The following NFX1 variants were observed in gnomAD, a reference collection of about 807,000 sequenced individuals.
The protein encoded by NFX1 is nuclear transcription factor, X-box binding 1, also known as transcriptional repressor NF-X1.
A neutral mutation model predicts 137.2 loss-of-function variants in NFX1; 69 were observed. That is an observed-to-expected ratio of 0.50 (90% CI 0.41 to 0.61). The LOEUF (loss-of-function observed/expected upper bound fraction) is 0.61. Among genes scored for constraint, NFX1 ranks in the 20% least tolerant of loss-of-function variants. The pLI is 0.00. For synonymous variants in NFX1, 495 were observed against 474.1 expected, an observed-to-expected ratio of 1.04 and a Z score of -0.57; for missense variants, 1,167 against 1,391.0, an observed-to-expected ratio of 0.84 and a Z score of 2.56.
chr9:33,302,965 G>A (rs1301950453), intron 3 of NFX1, among the ~76,000 whole-genome samples: 2 of 145,608 alleles, frequency 1.4e-5, no homozygotes, highest in Non-Finnish European at 3.0e-5. Context: ...ACCACACCTG[G>A]CCTTTTTTTT....
intron 4 of NFX1, 125 bp downstream of exon 4, chr9:33,303,393 A>G (rs1821643110): frequency 5.2e-6 from 4 of 762,410 alleles, no homozygotes. Context: ...AGGAGTCTAT[A>G]AGACTGTAAT....
chr9:33,298,513 C>T (rs528274006), intron 2 of NFX1, among the ~76,000 whole-genome samples: 6 of 152,280 alleles, frequency 3.9e-5, no homozygotes, highest in Admixed American at 3.3e-4. Context: ...TGTGGTGGCT[C>T]ACATCTGTAA....
intron 7 of NFX1, among the ~76,000 whole-genome samples, chr9:33,317,973 CAAAAAAAAAA>C (rs5897542): frequency 9.0e-4 from 40 of 44,394 alleles, no homozygotes; most frequent in African/African-American, 3.1e-3. Flanking sequence ...GACTCTGTCT[CAAAAAAAAAA>C]AAAAAAAAAA....
At chr9:33,303,090 C>A in intron 3 of NFX1, 101 bp from the exon 4 acceptor site, 1 of 786,996 alleles carries the variant, frequency 1.3e-6, no homozygotes, top group South Asian at 1.5e-5. Flanking sequence ...AAATTATTAC[C>A]ACTACTTCAA....
intron 22 of NFX1, 118 bp from the exon 23 acceptor site, chr9:33,367,397 T>C (rs1824199269): frequency 4.3e-6 from 4 of 936,724 alleles, no homozygotes; most frequent in Admixed American, 3.9e-5. Flanking sequence ...AGACAGTTCA[T>C]ACCAGAGAGT....
At chr9:33,296,972 C>T (rs1048965514) in intron 2 of NFX1, among the ~76,000 whole-genome samples, 3 of 152,158 alleles carry the variant, frequency 2.0e-5, no homozygotes, top group African/African-American at 7.2e-5. Context: ...CCACACAGCT[C>T]TTGAAACATA....
intron 4 of NFX1, among the ~76,000 whole-genome samples, chr9:33,304,557 A>G (rs1447917619): frequency 6.6e-6 from 1 of 152,174 alleles, no homozygotes; most frequent in East Asian, 1.9e-4. Flanking sequence ...ACCTTGGTGA[A>G]CTCTTTGACT....
chr9:33,297,720 C>T (rs1336412109), intron 2 of NFX1, among the ~76,000 whole-genome samples: 6 of 152,210 alleles, frequency 3.9e-5, no homozygotes, highest in East Asian at 1.9e-4. Context: ...CTAGAGGCCA[C>T]CTGTGTTTCC....
chr9:33,311,216 T>C, intron 6 of NFX1, 39 bp downstream of exon 6: 1 of 1,543,934 alleles, frequency 6.5e-7, no homozygotes, highest in Middle Eastern at 1.7e-4. Flanking sequence ...ACCTCAGTTT[T>C]CACATGCATG....
At chr9:33,353,254 TCACATCCTACC>T (rs1823703740) in intron 17 of NFX1, among the ~76,000 whole-genome samples, 1 of 152,232 alleles carries the variant, frequency 6.6e-6, no homozygotes, top group Non-Finnish European at 1.5e-5. Context: ...TGAATTGCTT[TCACATCCTACC>T]ATTTGTCATT....
intron 15 of NFX1, among the ~76,000 whole-genome samples, chr9:33,350,208 G>A (rs889468507): frequency 3.3e-5 from 5 of 151,554 alleles, no homozygotes; most frequent in Admixed American, 2.0e-4. Context: ...GGAGGCTGAG[G>A]TAGGAGAATC....
intron 20 of NFX1, among the ~76,000 whole-genome samples, chr9:33,364,358 C>T (rs1222270530): frequency 6.6e-6 from 1 of 152,120 alleles, no homozygotes; most frequent in African/African-American, 2.4e-5. Context: ...AGAGTTTGGG[C>T]CTCCCAAGGG....
rs549874074 is a variant in NFX1, at chr9:33,290,566, G to A, written c.-7G>A. On this transcript the variant is annotated 5_prime_UTR_variant, in exon 1 of 24. Transcript: ENST00000379540. ...TGTACAGCTCGATCTAGGTTCTGCG[G>A]CACGGGATGGCGGAGGCGCCTCCTG... The A allele has an allele frequency of 8.7e-6, 14 of 1,613,976 alleles. No homozygotes were observed. The highest frequency in any genetic ancestry group is 5.3e-5 in the African/African-American group (4 of 75,058).
intron 7 of NFX1, among the ~76,000 whole-genome samples, chr9:33,314,006 A>G (rs566503159): frequency 2.8e-4 from 43 of 151,640 alleles, no homozygotes; most frequent in Middle Eastern, 3.4e-3. Flanking sequence ...TCTTTTTGAG[A>G]TAAGTCTCAC....
At chr9:33,324,251 C>T (rs565529972) in intron 9 of NFX1, among the ~76,000 whole-genome samples, 10 of 152,180 alleles carry the variant, frequency 6.6e-5, no homozygotes, top group East Asian at 1.9e-4. Flanking sequence ...TGGCGGCACA[C>T]GCCTGTAATC....
At chr9:33,357,676 C>T (rs184000911) in intron 19 of NFX1, among the ~76,000 whole-genome samples, 130 of 151,864 alleles carry the variant, frequency 8.6e-4, no homozygotes, top group African/African-American at 3.0e-3. Context: ...GGACTACAGG[C>T]ACACACCACT....
chr9:33,306,981 A>C (rs1317734140), intron 4 of NFX1, among the ~76,000 whole-genome samples: 1 of 152,238 alleles, frequency 6.6e-6, no homozygotes, highest in Non-Finnish European at 1.5e-5. Flanking sequence ...TTTCCCAGGT[A>C]ATCCAAGATT....
At chr9:33,327,034 AT>A (rs1418929993) in intron 9 of NFX1, among the ~76,000 whole-genome samples, 1 of 152,242 alleles carries the variant, frequency 6.6e-6, no homozygotes, top group Non-Finnish European at 1.5e-5. Flanking sequence ...ACTATAAAAA[AT>A]ATTGACAAAA....
At chr9:33,362,565 A>G (rs972430606) in intron 19 of NFX1, among the ~76,000 whole-genome samples, 5 of 152,176 alleles carry the variant, frequency 3.3e-5, no homozygotes, top group African/African-American at 1.2e-4. Context: ...TTAAAAAATA[A>G]TACAGAAGCA....
Sources: gnomAD v4.1 joint callset for allele counts (sites outside exome capture counted in the v4.1 genomes callset) on GRCh38, gnomAD v4.1.1 for gene constraint, MANE v1.5 for transcripts, NCBI Gene and HGNC (gene_info 2026-07-23, HGNC 2026-07-21) for gene names.